Variants in PRORP observed in about 807,000 individuals in gnomAD.
PRORP encodes the protein mitochondrial ribonuclease P catalytic subunit.
A neutral mutation model predicts 59.4 loss-of-function variants in PRORP; 51 were observed. The ratio of observed to expected loss-of-function variants is 0.86; its 90% CI spans 0.69 to 1.08. The LOEUF is 1.08. PRORP is among the 50% of genes least tolerant of loss of function. The pLI, the probability that PRORP is intolerant of heterozygous loss-of-function variation, is 0.00. For synonymous variants in PRORP, 231 were observed against 245.6 expected, an observed-to-expected ratio of 0.94 and a Z score of 0.55; for missense variants, 646 against 690.3, an observed-to-expected ratio of 0.94 and a Z score of 0.72.
chr14:35,206,098 G>GA (rs2049286951), intron 5 of PRORP, among the ~76,000 whole-genome samples: 1 of 152,200 alleles, frequency 6.6e-6, no homozygotes, highest in Admixed American at 6.5e-5. Context: ...ATGAATATTT[G>GA]ACTTGAAGTG....
intron 5 of PRORP, among the ~76,000 whole-genome samples, chr14:35,258,929 C>T (rs967654728): frequency 6.6e-6 from 1 of 152,174 alleles, no homozygotes; most frequent in Non-Finnish European, 1.5e-5. Context: ...TTTAGCTATT[C>T]TACTTCCTTT....
intron 5 of PRORP, among the ~76,000 whole-genome samples, chr14:35,228,578 T>A (rs2049995526): frequency 6.6e-6 from 1 of 152,248 alleles, no homozygotes; most frequent in Admixed American, 6.5e-5. Flanking sequence ...TGTTCCTGTG[T>A]TAATTTGCAT....
chr14:35,222,144 C>T (rs2049803335), intron 5 of PRORP: 2 of 152,058 alleles, frequency 1.3e-5, no homozygotes, highest in African/African-American at 4.8e-5. Flanking sequence ...AGTCACTGAA[C>T]CTGAACACAT....
chr14:35,230,938 A>AACACACACACACACACACACACAC (rs60270535), intron 5 of PRORP, among the ~76,000 whole-genome samples: 2 of 144,466 alleles, frequency 1.4e-5, no homozygotes, highest in Admixed American at 7.0e-5. Context: ...AGGAAAAGAG[A>AACACACACACACACACACACACAC]ACACACACAC....
chr14:35,239,185 G>A (rs1003311899), intron 5 of PRORP, among the ~76,000 whole-genome samples: 16 of 151,708 alleles, frequency 1.1e-4, no homozygotes, highest in African/African-American at 2.2e-4. Flanking sequence ...GTGAAACCCC[G>A]TCTCTACTAA....
In PRORP at chr14:35,202,594, C is replaced by A. The variant is rs1027601361; in HGVS notation, c.1275+21817C>A. Among the ~76,000 whole-genome samples the A allele has an allele frequency of 2.6e-5, 4 of 152,122 alleles. No homozygotes were observed. In the East Asian group the frequency reaches 7.7e-4, roughly 29 times the overall value. On this transcript the variant is annotated intron_variant, in intron 5 of 7. Coordinates refer to ENST00000534898, the MANE Select transcript of PRORP (RefSeq NM_014672.4). ...GCAGCTCTCCTATTACTGTCTCATGCGATCAAAAGGTGGTTTTTTGTTTAG... is the reference window on the plus strand; with the variant it reads ...GCAGCTCTCCTATTACTGTCTCATGAGATCAAAAGGTGGTTTTTTGTTTAG...
chr14:35,180,734 T>G lies in PRORP; in HGVS notation c.1232T>G (p.Leu411Arg). The G allele has an allele frequency of 6.2e-7, 1 of 1,613,282 alleles. No individual in the cohort carries two copies. The highest frequency in any genetic ancestry group is 1.1e-5 in the South Asian group (1 of 90,994). The change falls in exon 5 of 8, where the codon CTC becomes CGC. Residue 411 changes from leucine to arginine, a missense_variant. Leu to Arg is a moderately radical substitution (Grantham distance 102). Coordinates refer to ENST00000534898, the MANE Select transcript of PRORP (RefSeq NM_014672.4). Reference protein sequence around the residue: ...RPPFDVVIDGLNVAKMFPKVR... With the variant: ...RPPFDVVIDGRNVAKMFPKVR... ...CCTTTTGATGTTGTCATTGATGGTC[T>G]CAATGTTGCCAAAATGTTTCCTAAA...
At chr14:35,259,521 T>C (rs2050844502) in intron 5 of PRORP, among the ~76,000 whole-genome samples, 1 of 152,242 alleles carries the variant, frequency 6.6e-6, no homozygotes, top group Non-Finnish European at 1.5e-5. Context: ...TCTGTTTTAC[T>C]TTTCCTCCCT....
intron 4 of PRORP, among the ~76,000 whole-genome samples, chr14:35,165,145 T>C (rs570318401): frequency 2.8e-4 from 43 of 152,196 alleles, no homozygotes; most frequent in Non-Finnish European, 5.9e-4. Context: ...TAAACATAGT[T>C]GTTTTGATGT....
chr14:35,251,260 C>G (rs1286545313), intron 5 of PRORP, among the ~76,000 whole-genome samples: 1 of 152,098 alleles, frequency 6.6e-6, no homozygotes, highest in Non-Finnish European at 1.5e-5. Context: ...GTTCTTTTAT[C>G]CACTTGTTGA....
intron 5 of PRORP, among the ~76,000 whole-genome samples, chr14:35,215,634 T>TC (rs1018814120): frequency 3.9e-5 from 6 of 152,092 alleles, no homozygotes; most frequent in African/African-American, 1.4e-4. Flanking sequence ...CTGCCTATAG[T>TC]CCTAGCTGTT....
chr14:35,200,480 G>T (rs545579223), intron 5 of PRORP, among the ~76,000 whole-genome samples: 1 of 152,152 alleles, frequency 6.6e-6, no homozygotes, highest in East Asian at 1.9e-4. Context: ...GTGAGCCACC[G>T]CGCCCGGCCT....
intron 7 of PRORP, among the ~76,000 whole-genome samples, chr14:35,272,776 CT>C (rs1017991149): frequency 6.6e-5 from 10 of 152,104 alleles, no homozygotes; most frequent in African/African-American, 2.4e-4. Flanking sequence ...ACATTTGTCC[CT>C]TGGTATCCAT....
chr14:35,152,810 C>T (rs751819981), intron 4 of PRORP, among the ~76,000 whole-genome samples: 1 of 150,624 alleles, frequency 6.6e-6, no homozygotes, highest in East Asian at 2.0e-4. Context: ...GGAGCAGAGG[C>T]GCTCCCCACA....
intron 4 of PRORP, among the ~76,000 whole-genome samples, chr14:35,172,011 AT>A (rs1409772568): frequency 2.1e-5 from 3 of 142,050 alleles, no homozygotes; most frequent in Non-Finnish European, 4.6e-5. Context: ...CTCTGTGGAG[AT>A]TTTCTTTCTT....
At chr14:35,184,755 A>G (rs2048701902) in intron 5 of PRORP, among the ~76,000 whole-genome samples, 1 of 152,122 alleles carries the variant, frequency 6.6e-6, no homozygotes, top group Non-Finnish European at 1.5e-5. Context: ...GTTCCCACTT[A>G]TAAGTGAGAA....
intron 5 of PRORP, among the ~76,000 whole-genome samples, chr14:35,212,341 C>G (rs1314177406): frequency 2.6e-5 from 4 of 152,192 alleles, no homozygotes; most frequent in African/African-American, 4.8e-5. Flanking sequence ...AATAGTGACT[C>G]TTTTCCAGAA....
intron 6 of PRORP, among the ~76,000 whole-genome samples, chr14:35,268,827 C>T (rs1247916521): frequency 2.6e-5 from 4 of 152,208 alleles, no homozygotes; most frequent in Non-Finnish European, 4.4e-5. Context: ...AACTCCTGAC[C>T]TCATGATCCA....
At chr14:35,134,040 G>C (rs2047314954) in intron 4 of PRORP, among the ~76,000 whole-genome samples, 1 of 152,196 alleles carries the variant, frequency 6.6e-6, no homozygotes, top group South Asian at 2.1e-4. Flanking sequence ...GGTAAAGCCA[G>C]CCAGGCCTGT....
Sources: gnomAD v4.1 joint callset for allele counts (sites outside exome capture counted in the v4.1 genomes callset) on GRCh38, gnomAD v4.1.1 for gene constraint, MANE v1.5 for transcripts, NCBI Gene and HGNC (gene_info 2026-07-23, HGNC 2026-07-21) for gene names.